The following RIN2 variants were observed in gnomAD, a reference collection of about 807,000 sequenced individuals.
RIN2 encodes the protein Ras and Rab interactor 2.
Under a neutral mutation model 78.0 loss-of-function variants are expected in RIN2, and 36 were observed. The ratio of observed to expected loss-of-function variants is 0.46; its 90% CI spans 0.35 to 0.61. RIN2 has a LOEUF of 0.61. Among genes scored for constraint, RIN2 ranks in the 20% least tolerant of loss-of-function variants. The probability of loss-of-function intolerance (pLI) is 0.00; values close to 1 mark genes in which losing one functional copy is unlikely to be tolerated. For missense variants in RIN2, 1,087 were observed against 1,159.7 expected, an observed-to-expected ratio of 0.94 and a Z score of 0.91; for synonymous variants, 466 against 466.8, an observed-to-expected ratio of 1.00 and a Z score of 0.02.
At chr20:19,812,747 G>A (rs2035643428) in intron 2 of RIN2, among the ~76,000 whole-genome samples, 1 of 152,170 alleles carries the variant, frequency 6.6e-6, no homozygotes, top group Non-Finnish European at 1.5e-5. Context: ...GAATCAAAAG[G>A]AAGAGCAAGA....
intron 2 of RIN2, among the ~76,000 whole-genome samples, chr20:19,876,756 T>G (rs1394932719): frequency 2.6e-5 from 4 of 151,864 alleles, no homozygotes; most frequent in Non-Finnish European, 4.4e-5. Flanking sequence ...AATACAAAAA[T>G]TATCTGGGTG....
chr20:19,810,300 T>A (rs994483198), intron 2 of RIN2, among the ~76,000 whole-genome samples: 1 of 150,958 alleles, frequency 6.6e-6, no homozygotes, highest in African/African-American at 2.4e-5. Flanking sequence ...CCCAGCTACT[T>A]GGGAGGCTGA....
intron 1 of RIN2, among the ~76,000 whole-genome samples, chr20:19,768,926 T>C (rs1168734246): frequency 6.7e-6 from 1 of 150,190 alleles, no homozygotes; most frequent in African/African-American, 2.4e-5. Context: ...CTGTTTCTTT[T>C]TTTTTTTTTT....
chr20:19,855,486 A>G (rs1177477186), intron 2 of RIN2, among the ~76,000 whole-genome samples: 1 of 152,140 alleles, frequency 6.6e-6, no homozygotes, highest in Non-Finnish European at 1.5e-5. Flanking sequence ...CTCTGGTAGA[A>G]TTCAGTTGTG....
intron 9 of RIN2, among the ~76,000 whole-genome samples, chr20:19,985,047 C>G (rs1346560843): frequency 6.6e-6 from 1 of 152,216 alleles, no homozygotes. Context: ...CCCCACGGCT[C>G]CCAGGGCTCT....
intron 3 of RIN2, among the ~76,000 whole-genome samples, chr20:19,917,648 T>A (rs935171207): frequency 1.3e-5 from 2 of 152,218 alleles, no homozygotes; most frequent in Non-Finnish European, 2.9e-5. Flanking sequence ...ATTACTTAAG[T>A]GAGCTCAGAG....
At chr20:19,906,190 T>C (rs2014743) in intron 3 of RIN2, among the ~76,000 whole-genome samples, 105,921 of 152,090 alleles carry the variant, frequency 0.7, 37,550 homozygotes, top group East Asian at 0.96. Flanking sequence ...TGAATTACAC[T>C]TGTAATCCCA....
Position 19,889,578 on chromosome 20 carries a change from T to C in RIN2, c.-24T>C, listed in dbSNP as rs531751763. 38 of 1,549,994 alleles carry C rather than the reference T, an allele frequency of 2.5e-5. No homozygotes were observed. The Admixed American group carries it at 3.1e-4, about 13-fold the overall frequency. ...TCTCTACCTTCAGGAGTCCCCGGCG[T>C]GCAGTGGAGCCTCGCTGGGGGAAAT... is the stretch of plus-strand genomic sequence containing the variant. On this transcript the variant is annotated 5_prime_UTR_variant, in exon 3 of 13. Coordinates refer to ENST00000255006, the MANE Select transcript of RIN2 (RefSeq NM_018993.4).
At chr20:19,810,913 G>A (rs557632934) in intron 2 of RIN2, among the ~76,000 whole-genome samples, 135 of 149,250 alleles carry the variant, frequency 9.0e-4, no homozygotes, top group East Asian at 5.0e-3. Flanking sequence ...GGGTTTCACC[G>A]TGTTAGCCAG....
At chr20:19,933,558 C>T (rs1033174366) in intron 3 of RIN2, among the ~76,000 whole-genome samples, 4 of 152,184 alleles carry the variant, frequency 2.6e-5, no homozygotes, top group African/African-American at 7.2e-5. Context: ...TCCATGAGAA[C>T]TGAGATCTTC....
chr20:19,973,475 G>A (rs1242039021), intron 8 of RIN2, among the ~76,000 whole-genome samples: 1 of 152,126 alleles, frequency 6.6e-6, no homozygotes, highest in Non-Finnish European at 1.5e-5. Flanking sequence ...ACACTGCAAA[G>A]CATAGCTAGA....
chr20:19,778,239 A>G (rs6046313), intron 1 of RIN2, among the ~76,000 whole-genome samples: 61,840 of 152,178 alleles, frequency 0.41, 16,245 homozygotes, highest in African/African-American at 0.75. Flanking sequence ...AGTTGCATGA[A>G]CATTTACATA....
chr20:19,849,441 G>C (rs957210177), intron 2 of RIN2, among the ~76,000 whole-genome samples: 5 of 152,176 alleles, frequency 3.3e-5, no homozygotes, highest in African/African-American at 1.2e-4. Flanking sequence ...CAGGGTCCTG[G>C]TAGCTGCGAG....
chr20:19,824,991 A>C (rs920235929), intron 2 of RIN2, among the ~76,000 whole-genome samples: 1 of 152,084 alleles, frequency 6.6e-6, no homozygotes, highest in Non-Finnish European at 1.5e-5. Context: ...CCCAGGACAC[A>C]CTCAGACATA....
At position 19,889,634 on chromosome 20, in the gene RIN2, G is replaced by C; in HGVS notation, c.33G>C (p.Leu11=). 1 of 1,532,588 alleles carries C rather than the reference G, an allele frequency of 6.5e-7. No individual in the cohort carries two copies. The highest frequency in any genetic ancestry group is 8.8e-7 in the Non-Finnish European group (1 of 1,137,382). The allele number at this position is 1,532,588 out of a possible 1,614,324, so 94.9% of individuals were successfully genotyped here. A position where few individuals can be genotyped will look rare whatever the true frequency, so the allele number is the denominator to read the frequency against. Residue 11 remains leucine, a synonymous_variant, in exon 3 of 13, where the codon CTG becomes CTC. Coordinates refer to ENST00000255006, the MANE Select transcript of RIN2 (RefSeq NM_018993.4). MTAWTMGARG[L]DKRGSFFKLI... ...CTTGGACCATGGGCGCCCGCGGTCT[G>C]GACAAGCGAGGAAGTTTCTTTAAGG... is the stretch of plus-strand genomic sequence containing the variant.
At chr20:19,997,347 C>T (rs1284910611) in intron 12 of RIN2, among the ~76,000 whole-genome samples, 6 of 152,330 alleles carry the variant, frequency 3.9e-5, no homozygotes, top group East Asian at 1.9e-4. Context: ...AGCATCTGAG[C>T]GAGTCCTGCT....
chr20:19,919,557 G>A (rs552852596), intron 3 of RIN2, among the ~76,000 whole-genome samples: 1 of 151,884 alleles, frequency 6.6e-6, no homozygotes, highest in Non-Finnish European at 1.5e-5. Context: ...CATAATCCCC[G>A]TACCTTGGGA....
chr20:19,964,079 G>T (rs1402225761), intron 6 of RIN2, among the ~76,000 whole-genome samples: 2 of 151,932 alleles, frequency 1.3e-5, no homozygotes, highest in African/African-American at 2.4e-5. Flanking sequence ...GGCCAGGCTG[G>T]TGTCAAACTC....
chr20:19,875,146 C>G (rs2037816190), intron 2 of RIN2, among the ~76,000 whole-genome samples: 1 of 151,756 alleles, frequency 6.6e-6, no homozygotes, highest in South Asian at 2.1e-4. Context: ...CAGGCATGAG[C>G]CACCGCACCC....
Sources: gnomAD v4.1 joint callset for allele counts (sites outside exome capture counted in the v4.1 genomes callset) on GRCh38, gnomAD v4.1.1 for gene constraint, MANE v1.5 for transcripts, NCBI Gene and HGNC (gene_info 2026-07-23, HGNC 2026-07-21) for gene names.